POLK: variants seen among roughly 807,000 people sequenced by gnomAD.
POLK encodes DNA polymerase kappa, also known as polymerase (DNA directed) kappa.
A neutral mutation model predicts 94.0 loss-of-function variants in POLK; 76 were observed. The ratio of observed to expected loss-of-function variants is 0.81; its 90% confidence interval spans 0.67 to 0.98. The LOEUF is 0.98. Among genes scored for constraint, POLK ranks in the 50% least tolerant of loss-of-function variants. The pLI, the probability that POLK is intolerant of heterozygous loss-of-function variation, is 0.00. For synonymous variants in POLK, 349 were observed against 325.4 expected, an observed-to-expected ratio of 1.07 and a Z score of -0.78; for missense variants, 954 against 1,010.1, an observed-to-expected ratio of 0.94 and a Z score of 0.75.
intron 1 of POLK, among the ~76,000 whole-genome samples, chr5:75,545,253 A>C (rs1188662311): frequency 6.6e-6 from 1 of 152,258 alleles, no homozygotes; most frequent in East Asian, 1.9e-4. Context: ...TCCTCAAGGC[A>C]GAGTGGAGTA....
At chr5:75,569,455 A>T in exon 4 of POLK, 1 of 1,613,798 alleles carries the variant, frequency 6.2e-7, no homozygotes, top group Non-Finnish European at 8.5e-7. Context: ...CCAGAATTGA[A>T]GGATAAACCC....
chr5:75,545,570 T>C (rs1383611269), intron 1 of POLK, among the ~76,000 whole-genome samples: 1 of 152,200 alleles, frequency 6.6e-6, no homozygotes, highest in Admixed American at 6.5e-5. Context: ...AGCTAATGTA[T>C]GTGAAGATAA....
At chr5:75,582,004 T>G (rs771627432) in intron 7 of POLK, 61 of 985,788 alleles carry the variant, frequency 6.2e-5, no homozygotes, top group Non-Finnish European at 7.1e-5. Context: ...GCTATCTTTT[T>G]CTAGCACAAA....
intron 1 of POLK, among the ~76,000 whole-genome samples, chr5:75,527,790 C>T (rs1768947645): frequency 6.6e-6 from 1 of 152,048 alleles, no homozygotes; most frequent in African/African-American, 2.4e-5. Flanking sequence ...TAAAGAATTC[C>T]ATGTGTTGCT....
chr5:75,555,491 A>G lies in POLK; in HGVS notation c.255+2900A>G, dbSNP rs145986482. Among the ~76,000 whole-genome samples the G allele has an allele frequency of 5.5e-4, 84 of 152,190 alleles. 1 individual carries two copies. The highest frequency in any genetic ancestry group is 1.9e-3 in the African/African-American group (79 of 41,508). On this transcript the variant is annotated intron_variant, in intron 3 of 14. Transcript: ENST00000241436. The stretch of plus-strand genomic sequence containing the variant: ...TTTCCTTCATGTCTTTTCATGGCTT[A>G]ATAGTTCATTTATTTTATGTACTGA...
chr5:75,531,153 TG>T lies in POLK; in HGVS notation c.-13-15856del, dbSNP rs202241942. Among the ~76,000 whole-genome samples, 327 of 152,030 alleles carry T rather than the reference TG, an allele frequency of 2.2e-3. 1 individual carries two copies. The East Asian group carries it at 0.027, about 13-fold the overall frequency. On this transcript the variant is annotated intron_variant, in intron 1 of 14. Coordinates refer to ENST00000241436, the Ensembl canonical transcript of POLK. ...AGTTGAAATATAACTAAAATGAAAA[TG>T]TTTTTTTTCCTCGAACAGGTTCTAC...
At chr5:75,591,594 T>C (rs1293729818) in intron 11 of POLK, among the ~76,000 whole-genome samples, 1 of 152,170 alleles carries the variant, frequency 6.6e-6, no homozygotes, top group Non-Finnish European at 1.5e-5. Flanking sequence ...CCCCAGACTT[T>C]ATTTGGAGTT....
At chr5:75,571,670 G>A (rs1771607024) in intron 4 of POLK, among the ~76,000 whole-genome samples, 2 of 152,128 alleles carry the variant, frequency 1.3e-5, no homozygotes, top group Admixed American at 1.3e-4. Context: ...TACAATGGTT[G>A]CTGGATTACA....
chr5:75,544,791 C>T (rs1769927699), intron 1 of POLK, among the ~76,000 whole-genome samples: 1 of 152,184 alleles, frequency 6.6e-6, no homozygotes, highest in African/African-American at 2.4e-5. Flanking sequence ...GACTGAATTA[C>T]ATTCACCTGC....
intron 9 of POLK, 108 bp from the exon 10 acceptor site, chr5:75,586,918 A>G (rs182859679): frequency 1.1e-4 from 81 of 723,328 alleles, no homozygotes; most frequent in African/African-American, 1.0e-3. Context: ...ATAAATTTTA[A>G]TAAAAAATTT....
intron 1 of POLK, among the ~76,000 whole-genome samples, chr5:75,530,906 T>C (rs947403405): frequency 6.6e-6 from 1 of 151,298 alleles, no homozygotes; most frequent in African/African-American, 2.4e-5. Context: ...CCCAGGTTCA[T>C]GCCGTTCTCC....
chr5:75,581,591 C>T, intron 7 of POLK, 143 bp downstream of exon 7: 1 of 704,552 alleles, frequency 1.4e-6, no homozygotes, highest in Non-Finnish European at 2.3e-6. Flanking sequence ...ACAACTTTAC[C>T]TATTCAGAAT....
intron 1 of POLK, among the ~76,000 whole-genome samples, chr5:75,523,217 A>G (rs1312971612): frequency 6.6e-6 from 1 of 152,180 alleles, no homozygotes; most frequent in East Asian, 1.9e-4. Context: ...AAAATATTAT[A>G]TATGATGTAT....
intron 1 of POLK, among the ~76,000 whole-genome samples, chr5:75,539,782 T>G (rs1220395518): frequency 6.6e-6 from 1 of 152,230 alleles, no homozygotes; most frequent in South Asian, 2.1e-4. Context: ...CTAAGGAATT[T>G]GGAGAGTCAA....
At chr5:75,584,979 A>G in intron 9 of POLK, 53 bp downstream of exon 9, 1 of 1,166,484 alleles carries the variant, frequency 8.6e-7, no homozygotes, top group Non-Finnish European at 1.3e-6. Flanking sequence ...CTGCAATATC[A>G]GTTTTAACCA....
At chr5:75,552,478 A>G (rs779123812) in exon 3 of POLK, 3 of 1,611,356 alleles carry the variant, frequency 1.9e-6, no homozygotes, top group Admixed American at 1.7e-5. Context: ...ATAGGGGTCC[A>G]GATTTTATGG....
At chr5:75,578,545 G>A (rs758363723) in intron 6 of POLK, among the ~76,000 whole-genome samples, 1 of 152,128 alleles carries the variant, frequency 6.6e-6, no homozygotes, top group Non-Finnish European at 1.5e-5. Flanking sequence ...ATATTTACTT[G>A]TATATTGCCC....
chr5:75,576,199 A>T (rs897992744), intron 5 of POLK, among the ~76,000 whole-genome samples: 4 of 152,072 alleles, frequency 2.6e-5, no homozygotes, highest in African/African-American at 4.8e-5. Flanking sequence ...ATTTTTTTCC[A>T]TTCCAGATCT....
chr5:75,590,007 G>A (rs2112862842), intron 10 of POLK, among the ~76,000 whole-genome samples: 1 of 152,244 alleles, frequency 6.6e-6, no homozygotes, highest in South Asian at 2.1e-4. Context: ...ATAATCTTCT[G>A]TAATAAAGTC....
Sources: allele counts gnomAD v4.1 joint callset (sites outside exome capture counted in the v4.1 genomes callset), GRCh38; gene constraint gnomAD v4.1.1; transcripts MANE v1.5; gene names NCBI Gene and HGNC (gene_info 2026-07-23, HGNC 2026-07-21).